Variants in NVL observed in about 807,000 individuals in gnomAD.
NVL encodes the protein nuclear VCP like.
In NVL, 84 loss-of-function variants were observed where a neutral mutation model predicts 110.2. That is an observed-to-expected ratio of 0.76 (90% CI 0.64 to 0.91). NVL has a LOEUF of 0.91. Among genes scored for constraint, NVL ranks in the 40% least tolerant of loss-of-function variants. The pLI is 0.00. For synonymous variants in NVL, 354 were observed against 361.1 expected (o/e 0.98, Z 0.22); for missense variants, 882 against 1,035.9 (o/e 0.85, Z 2.04).
intron 19 of NVL, among the ~76,000 whole-genome samples, chr1:224,243,464 A>C (rs963735324): frequency 2.6e-5 from 4 of 152,074 alleles, no homozygotes; most frequent in African/African-American, 9.7e-5. Flanking sequence ...TTGTCTCAAC[A>C]ACAACAACAA....
At chr1:224,251,325 T>C (rs1662477446) in intron 18 of NVL, among the ~76,000 whole-genome samples, 1 of 143,424 alleles carries the variant, frequency 7.0e-6, no homozygotes, top group Non-Finnish European at 1.5e-5. Flanking sequence ...AACCTCTTTA[T>C]AAAAAATAAA....
At chr1:224,235,995 A>C (rs1660430048) in intron 20 of NVL, among the ~76,000 whole-genome samples, 1 of 152,128 alleles carries the variant, frequency 6.6e-6, no homozygotes, top group Non-Finnish European at 1.5e-5. Flanking sequence ...CTGTTAGTTA[A>C]ACTTGAGTTT....
chr1:224,286,474 G>A (rs940065510), intron 14 of NVL, among the ~76,000 whole-genome samples: 6 of 152,114 alleles, frequency 3.9e-5, no homozygotes, highest in Admixed American at 2.0e-4. Context: ...CCAAAGTGCT[G>A]GGATTACAGG....
At chr1:224,276,120 G>A (rs561359765) in intron 16 of NVL, among the ~76,000 whole-genome samples, 1 of 152,250 alleles carries the variant, frequency 6.6e-6, no homozygotes, top group South Asian at 2.1e-4. Flanking sequence ...TTTTAGCTTA[G>A]GCATAAGAAA....
chr1:224,264,009 C>A (rs938983706), intron 18 of NVL, among the ~76,000 whole-genome samples: 3 of 151,994 alleles, frequency 2.0e-5, no homozygotes, highest in African/African-American at 7.2e-5. Context: ...AGCAAGATTC[C>A]GTCTCAAAAA....
At chr1:224,302,352 C>T (rs1396572799) in intron 9 of NVL, among the ~76,000 whole-genome samples, 1 of 152,138 alleles carries the variant, frequency 6.6e-6, no homozygotes, top group African/African-American at 2.4e-5. Flanking sequence ...AGGCATGCGC[C>T]ACCACACCCG....
At chr1:224,288,052 G>GTT (rs763868432) in intron 13 of NVL, 59 bp from the exon 14 acceptor site, 17 of 1,274,848 alleles carry the variant, frequency 1.3e-5, no homozygotes, top group Non-Finnish European at 1.9e-5. Context: ...CTATTGAAAA[G>GTT]TTACATTTTC....
At chr1:224,300,162 C>T (rs1668261957) in intron 10 of NVL, among the ~76,000 whole-genome samples, 1 of 152,108 alleles carries the variant, frequency 6.6e-6, no homozygotes, top group Non-Finnish European at 1.5e-5. Flanking sequence ...AGAATTTATT[C>T]TGGTATTTTT....
rs1669148242 is a variant in NVL, at chr1:224,308,408, A to G, written c.343-145T>C. On this transcript the variant is annotated intron_variant, in intron 5 of 22. Coordinates refer to ENST00000281701, the MANE Select transcript of NVL (RefSeq NM_002533.4). ...TTTATAATCAGAATATATAGGTGTT[A>G]GGCTGGGCACAGTGGCTTATGCCTG... The G allele has an allele frequency of 5.5e-6, 4 of 729,064 alleles. No individual in the cohort carries two copies. In the South Asian group the frequency reaches 9.4e-5, roughly 17 times the overall value. The allele number at this position is 729,064 out of a possible 1,614,324, so 45.2% of individuals were successfully genotyped here.
chr1:224,288,745 G>A (rs1177927836), intron 13 of NVL, among the ~76,000 whole-genome samples: 1 of 152,022 alleles, frequency 6.6e-6, no homozygotes, highest in Non-Finnish European at 1.5e-5. Context: ...ATAAAATGGG[G>A]AAAATGACAT....
chr1:224,243,304 A>AG (rs1006645273), intron 19 of NVL, among the ~76,000 whole-genome samples: 21 of 151,590 alleles, frequency 1.4e-4, no homozygotes, highest in Non-Finnish European at 2.1e-4. Flanking sequence ...TACAAAAAAA[A>AG]AAAAAAATTA....
Position 224,300,597 on chromosome 1 carries a change from C to A in NVL, c.1027G>T (p.Glu343Ter). ...EIVSGVSGES[E>*]QKLRELFEQA... ...TCAAATAGTTCTCTCAGCTTCTGCT[C>A]AGACTCTCCGGATACTCCAGACACA... is the stretch of plus-strand genomic sequence containing the variant. The change falls in exon 10 of 23, where the codon GAG becomes TAG. Residue 343 changes from glutamate (E) to a stop codon, truncating the protein, a stop_gained. Transcript: ENST00000281701. LOFTEE classifies it high-confidence loss of function. The A allele has an allele frequency of 6.2e-7, 1 of 1,614,012 alleles. No homozygotes were observed. The highest frequency in any genetic ancestry group is 2.2e-5 in the East Asian group (1 of 44,878).
chr1:224,288,681 G>A (rs1667094926), intron 13 of NVL, among the ~76,000 whole-genome samples: 1 of 152,174 alleles, frequency 6.6e-6, no homozygotes, highest in African/African-American at 2.4e-5. Context: ...CTATAAAGTA[G>A]AGGCTGTATG....
intron 19 of NVL, among the ~76,000 whole-genome samples, chr1:224,239,608 C>T (rs192256173): frequency 6.6e-6 from 1 of 152,294 alleles, no homozygotes; most frequent in Admixed American, 6.5e-5. Context: ...TCAAACTATC[C>T]AGTGCCCTGT....
chr1:224,317,541 T>C (rs548317141), intron 4 of NVL, among the ~76,000 whole-genome samples, 153 bp downstream of exon 4: 1 of 152,296 alleles, frequency 6.6e-6, no homozygotes, highest in South Asian at 2.1e-4. Flanking sequence ...TTGATCTCTT[T>C]GGGGAATAAA....
At chr1:224,250,367 ATTT>A (rs755207266) in intron 18 of NVL, 49 bp from the exon 19 acceptor site, 2 of 1,427,584 alleles carry the variant, frequency 1.4e-6, no homozygotes, top group Non-Finnish European at 9.2e-7. Flanking sequence ...TTTTATTTTT[ATTT>A]TTTTATTTTT....
chr1:224,298,309 T>A, intron 10 of NVL: 1 of 265,464 alleles, frequency 3.8e-6, no homozygotes, highest in Admixed American at 4.5e-5. Flanking sequence ...ACCACAAAAC[T>A]GGAAGAGTCT....
intron 1 of NVL, among the ~76,000 whole-genome samples, chr1:224,326,882 T>C (rs1291397553): frequency 2.6e-5 from 4 of 152,112 alleles, no homozygotes; most frequent in African/African-American, 9.7e-5. Flanking sequence ...AAATCACCTT[T>C]TGGCTGGGCA....
At chr1:224,288,296 T>C (rs1209443732) in intron 13 of NVL, among the ~76,000 whole-genome samples, 13 of 152,194 alleles carry the variant, frequency 8.5e-5, no homozygotes, top group Non-Finnish European at 1.6e-4. Context: ...TCAGCAACCA[T>C]AATATTTCCC....
Sources: allele counts gnomAD v4.1 joint callset (sites outside exome capture counted in the v4.1 genomes callset), GRCh38; gene constraint gnomAD v4.1.1; transcripts MANE v1.5; gene names NCBI Gene and HGNC (gene_info 2026-07-23, HGNC 2026-07-21).